The following ALMS1 variants were observed in gnomAD, a reference collection of about 807,000 sequenced individuals.
The protein encoded by ALMS1 is centrosome-associated protein ALMS1.
Under a neutral mutation model 352.2 loss-of-function variants are expected in ALMS1, and 271 were observed. The observed-to-expected ratio is 0.77, with a 90% CI of 0.70 to 0.85. The LOEUF is 0.85. ALMS1 is among the 40% of genes least tolerant of loss of function. The pLI is 0.00. For synonymous variants in ALMS1, 1,865 were observed against 1,761.2 expected, an observed-to-expected ratio of 1.06 and a Z score of -1.48; for missense variants, 5,445 against 4,870.7, an observed-to-expected ratio of 1.12 and a Z score of -3.51.
intron 9 of ALMS1, among the ~76,000 whole-genome samples, chr2:73,485,885 G>A (rs1364806795): frequency 1.3e-5 from 2 of 152,156 alleles, no homozygotes; most frequent in African/African-American, 2.4e-5. Context: ...GGAACTCCCT[G>A]ACCCCTTGCG....
chr2:73,481,697 T>C (rs1672707713), intron 9 of ALMS1, among the ~76,000 whole-genome samples: 1 of 151,164 alleles, frequency 6.6e-6, no homozygotes, highest in Admixed American at 6.7e-5. Context: ...TATTGATTCT[T>C]CCTACCCATG....
intron 15 of ALMS1, among the ~76,000 whole-genome samples, chr2:73,564,421 G>A (rs975452859): frequency 6.2e-5 from 9 of 144,556 alleles, no homozygotes; most frequent in East Asian, 6.1e-4. Flanking sequence ...AGCCAAGATC[G>A]CGCCACTGCA....
chr2:73,385,810 C>T (rs1169765129), upstream of ALMS1: 5 of 677,102 alleles, frequency 7.4e-6, no homozygotes, highest in African/African-American at 7.1e-5. Flanking sequence ...CAGGGCTCTC[C>T]CCTTCCCCTC....
At chr2:73,554,430 G>A (rs1674500101) in intron 13 of ALMS1, among the ~76,000 whole-genome samples, 1 of 152,100 alleles carries the variant, frequency 6.6e-6, no homozygotes, top group African/African-American at 2.4e-5. Flanking sequence ...GTAGGGCTGA[G>A]CGTGGTGGCT....
chr2:73,609,918 T>A (rs1487598361), downstream of ALMS1: 12 of 371,658 alleles, frequency 3.2e-5, no homozygotes, highest in Non-Finnish European at 5.1e-5. Flanking sequence ...TTAGATTAAC[T>A]CATAGTAAAC....
At chr2:73,463,877 C>G (rs1174940495) in intron 9 of ALMS1, among the ~76,000 whole-genome samples, 1 of 151,372 alleles carries the variant, frequency 6.6e-6, no homozygotes, top group South Asian at 2.1e-4. Context: ...ACACATACAC[C>G]CTCCCAAGAC....
At chr2:73,459,140 C>T (rs1424789720) in intron 9 of ALMS1, 1 of 151,934 alleles carries the variant, frequency 6.6e-6, no homozygotes, top group South Asian at 2.1e-4. Flanking sequence ...AGAGTACAAC[C>T]TAGTTACTTT....
intron 16 of ALMS1, among the ~76,000 whole-genome samples, chr2:73,584,872 A>G (rs1675273761): frequency 6.6e-6 from 1 of 152,122 alleles, no homozygotes. Context: ...ATAAATGAGA[A>G]CATACAATAT....
At chr2:73,593,259 A>T (rs1156974820) in intron 16 of ALMS1, among the ~76,000 whole-genome samples, 1 of 151,820 alleles carries the variant, frequency 6.6e-6, no homozygotes, top group East Asian at 1.9e-4. Context: ...ATGAGTGCAG[A>T]TGTGTGCATT....
intron 12 of ALMS1, among the ~76,000 whole-genome samples, chr2:73,541,191 T>C (rs1185630294): frequency 6.6e-6 from 1 of 152,162 alleles, no homozygotes; most frequent in Non-Finnish European, 1.5e-5. Context: ...CACAGTGCAA[T>C]CAAACTAGAA....
At chr2:73,431,276 T>C (rs1416766260) in intron 6 of ALMS1, among the ~76,000 whole-genome samples, 1 of 152,118 alleles carries the variant, frequency 6.6e-6, no homozygotes, top group Non-Finnish European at 1.5e-5. Flanking sequence ...GATATAGAAA[T>C]AGATATGGAA....
intron 20 of ALMS1, 118 bp downstream of exon 20, chr2:73,602,486 T>G: frequency 7.9e-7 from 1 of 1,261,374 alleles, no homozygotes; most frequent in East Asian, 2.5e-5. Flanking sequence ...ACAGTGACCT[T>G]TTGCTTGCCA....
chr2:73,584,521 G>A (rs1314691215), intron 16 of ALMS1, among the ~76,000 whole-genome samples: 4 of 152,158 alleles, frequency 2.6e-5, no homozygotes, highest in Admixed American at 2.6e-4. Context: ...AACAACAACT[G>A]AGTTGGATAT....
chr2:73,389,595 G>A (rs942734668), intron 1 of ALMS1, among the ~76,000 whole-genome samples: 8 of 152,090 alleles, frequency 5.3e-5, no homozygotes, highest in African/African-American at 1.9e-4. Context: ...TTTGCATATG[G>A]TGAGAGATAG....
intron 19 of ALMS1, among the ~76,000 whole-genome samples, chr2:73,601,779 G>A (rs145163393): frequency 2.0e-4 from 31 of 152,356 alleles, no homozygotes; most frequent in African/African-American, 7.0e-4. Context: ...CTCCATGTCC[G>A]TAGCTCCTGT....
intron 9 of ALMS1, among the ~76,000 whole-genome samples, chr2:73,485,427 C>T (rs935803164): frequency 6.6e-6 from 1 of 152,230 alleles, no homozygotes; most frequent in Non-Finnish European, 1.5e-5. Flanking sequence ...AGGCAGTCTG[C>T]CCGTTCTCAG....
chr2:73,597,458 T>G (rs1413200231), intron 16 of ALMS1, among the ~76,000 whole-genome samples: 1 of 152,188 alleles, frequency 6.6e-6, no homozygotes, highest in Admixed American at 6.5e-5. Flanking sequence ...TACATATACT[T>G]TTTTAGTACC....
chr2:73,594,880 A>G (rs138295107), intron 16 of ALMS1, among the ~76,000 whole-genome samples: 3 of 152,212 alleles, frequency 2.0e-5, no homozygotes, highest in African/African-American at 7.2e-5. Context: ...TCCTGGGTAT[A>G]AGTTTGTTGG....
chr2:73,567,902 T>A (rs954850138), intron 15 of ALMS1, among the ~76,000 whole-genome samples: 6 of 152,158 alleles, frequency 3.9e-5, no homozygotes, highest in African/African-American at 1.4e-4. Flanking sequence ...AATTAAAGTG[T>A]CTTCATGGTA....
Sources: gnomAD v4.1 joint callset for allele counts (sites outside exome capture counted in the v4.1 genomes callset) on GRCh38, gnomAD v4.1.1 for gene constraint, MANE v1.5 for transcripts, NCBI Gene and HGNC (gene_info 2026-07-23, HGNC 2026-07-21) for gene names.